The following MEGF8 variants were observed in gnomAD, a reference collection of about 807,000 sequenced individuals.
MEGF8 encodes the protein multiple EGF like domains 8.
Under a neutral mutation model 302.9 loss-of-function variants are expected in MEGF8, and 156 were observed. That is an observed-to-expected ratio of 0.52 (90% confidence interval 0.45 to 0.59). The LOEUF is 0.59. Ranked by LOEUF, MEGF8 falls within the 20% of genes least tolerant of loss-of-function variation. The pLI is 0.00. For synonymous variants in MEGF8, 1,621 were observed against 1,660.5 expected, an observed-to-expected ratio of 0.98 and a Z score of 0.58; for missense variants, 3,345 against 3,964.5, an observed-to-expected ratio of 0.84 and a Z score of 4.20.
At chr19:42,361,802 G>A (rs998748802) in intron 32 of MEGF8, among the ~76,000 whole-genome samples, 3 of 152,144 alleles carry the variant, frequency 2.0e-5, no homozygotes, top group Non-Finnish European at 4.4e-5. Context: ...TTGGGCAAGG[G>A]GCTGCAGGGG....
chr19:42,378,651 G>A lies in MEGF8; in HGVS notation c.*1876G>A, dbSNP rs573210106. The stretch of plus-strand genomic sequence containing the variant: ...GGACTGGACTTTGCATCTTCCCTTC[G>A]CGTGGAGCCTCAGTGTGAGAGGCCC... On this transcript the variant is annotated 3_prime_UTR_variant, in exon 42 of 42. Transcript: ENST00000251268. The A allele has an allele frequency of 2.7e-5, 4 of 150,040 alleles. No individual in the cohort carries two copies. The South Asian group carries it at 6.9e-4, about 26-fold the overall frequency. The allele number at this position is 150,040 out of a possible 1,614,324, so 9.3% of individuals were successfully genotyped here. A position where few individuals can be genotyped will look rare whatever the true frequency, so the allele number is the denominator to read the frequency against.
intron 34 of MEGF8, among the ~76,000 whole-genome samples, 177 bp from the exon 35 acceptor site, chr19:42,362,871 G>A (rs112814269): frequency 2.0e-5 from 3 of 150,756 alleles, no homozygotes; most frequent in East Asian, 2.0e-4. Context: ...GGACTCCTGG[G>A]TCTGAGGGAG....
rs1276512451 is a variant in MEGF8 at position 42,377,228 on chromosome 19, C to T, written c.*453C>T. ...ATTCAAAGAAGCTAGACTGAGAACG[C>T]CTGAGAAGAACCAGCTACGGGAAGA... On this transcript the variant is annotated 3_prime_UTR_variant, in exon 42 of 42. Transcript: ENST00000251268. 2 of 160,004 alleles carry T rather than the reference C, an allele frequency of 1.2e-5. No individual in the cohort carries two copies. The highest frequency in any genetic ancestry group is 2.7e-5 in the Non-Finnish European group (2 of 73,594). The allele number at this position is 160,004 out of a possible 1,614,324, so 9.9% of individuals were successfully genotyped here.
rs2039498165 is a variant in MEGF8 at position 42,359,253 on chromosome 19, A to C, written c.5488+11A>C. 4 of 1,540,424 alleles carry C rather than the reference A, an allele frequency of 2.6e-6. No individual in the cohort carries two copies. The highest frequency in any genetic ancestry group is 3.5e-6 in the Non-Finnish European group (4 of 1,142,080). ...TGCCCGACCTCACCCGTAAGTCCCC[A>C]TTGTGGCTCCCAGGAGGCTGAGGGA... On this transcript the variant is annotated intron_variant, in intron 31 of 41. Transcript: ENST00000251268.
Position 42,355,767 on chromosome 19 carries a change from T to G in MEGF8, c.4154T>G (p.Val1385Gly). The change falls in exon 24 of 42, where the codon GTG (valine) becomes GGG (glycine). Residue 1385 changes from valine (V) to glycine (G), a missense_variant. Val to Gly is a moderately radical substitution (Grantham distance 109). Transcript: ENST00000251268. ...LTVQALSGLL[V>G]LHWEANGSSS... ...GCCTCTCTCTTCACAGGGCTGCTCG[T>G]GCTGCACTGGGAGGCCAATGGCTCC... 6.3e-7 allele frequency: 1 copy of G among 1,580,458 alleles called. No individual in the cohort carries two copies.
intron 8 of MEGF8, 23 bp from the exon 9 acceptor site, chr19:42,343,454 C>G: frequency 2.5e-6 from 4 of 1,571,890 alleles, no homozygotes; most frequent in Non-Finnish European, 3.5e-6. Context: ...CTAATAATGT[C>G]ATTGGGGTCT....
chr19:42,373,475 A>C (rs1418571087), intron 41 of MEGF8, among the ~76,000 whole-genome samples: 1 of 151,816 alleles, frequency 6.6e-6, no homozygotes, highest in Non-Finnish European at 1.5e-5. Flanking sequence ...ATCTCAGCTC[A>C]TTGCAACCTC....
In MEGF8 at chr19:42,336,115, C is replaced by G; in HGVS notation, c.1013C>G (p.Ala338Gly). The G allele has an allele frequency of 1.9e-6, 3 of 1,606,886 alleles. No individual in the cohort carries two copies. Among genetic ancestry groups the G allele is most frequent in the Non-Finnish European group, 2.5e-6 (3 of 1,178,618 alleles). Residue 338 changes from alanine to glycine, a missense_variant, in exon 6 of 42, where the codon GCG (alanine) becomes GGG (glycine). Ala to Gly is a moderately conservative substitution (Grantham distance 60). Coordinates refer to ENST00000251268, the MANE Select transcript of MEGF8 (RefSeq NM_001271938.2). This position sits in a 1 kb window ranked among gnomAD's most constrained non-coding sequence, Gnocchi z 4.8. ...SSGPPGLAGHAAALVDDVWLY... is the reference protein window; with the variant it reads ...SSGPPGLAGHGAALVDDVWLY... Reference sequence around the variant, plus strand: ...GGGCCCCCAGGCCTGGCAGGTCACGCGGCTGCCCTGGTGGATGATGTCTGG... The same window carrying G: ...GGGCCCCCAGGCCTGGCAGGTCACGGGGCTGCCCTGGTGGATGATGTCTGG...
chr19:42,362,547 A>G lies in MEGF8; in HGVS notation c.6008A>G (p.Gln2003Arg). The change falls in exon 34 of 42, where the codon CAG (glutamine) becomes CGG (arginine). Residue 2003 changes from glutamine (Q) to arginine (R), a missense_variant. By Grantham distance (43) the Gln-to-Arg change is conservative. Coordinates refer to ENST00000251268, the MANE Select transcript of MEGF8 (RefSeq NM_001271938.2). Reference protein sequence around the residue: ...EAACGAADCEQCTREGKCMWT... With the variant: ...EAACGAADCERCTREGKCMWT... ...GCGTGCGGGGCTGCTGACTGCGAGC[A>G]GTGCACGCGGGAGGGCAAGTGCATG... 1 of 1,613,432 alleles carries G rather than the reference A, an allele frequency of 6.2e-7. No individual in the cohort carries two copies. The highest frequency in any genetic ancestry group is 8.5e-7 in the Non-Finnish European group (1 of 1,179,870).
chr19:42,354,471 A>C lies in MEGF8; in HGVS notation c.4012-117A>C. ...TTTGACAGTCTCCCCTGGATGTTCAAACAGCCCATTTCCCAGTCTCAGATT... is the reference window on the plus strand; with the variant it reads ...TTTGACAGTCTCCCCTGGATGTTCACACAGCCCATTTCCCAGTCTCAGATT... On this transcript the variant is annotated intron_variant, in intron 22 of 41. Transcript: ENST00000251268. The surrounding 1 kb of genome is among the most constrained non-coding windows in gnomAD (Gnocchi z 4.3). 1 of 1,216,074 alleles carries C rather than the reference A, an allele frequency of 8.2e-7. No individual in the cohort carries two copies. Among genetic ancestry groups the C allele is most frequent in the Non-Finnish European group, 1.2e-6 (1 of 863,810 alleles). The allele number at this position is 1,216,074 out of a possible 1,614,324, so 75.3% of individuals were successfully genotyped here.
At position 42,356,769 on chromosome 19, in the gene MEGF8, C is replaced by A. The variant is rs186976444; in HGVS notation, c.4623-5C>A. ...TGAGGCTGCTTTTTTGCACCCTGGC[C>A]CCAGGTACTCAGTGAGTGAGCGGCG... is the stretch of plus-strand genomic sequence containing the variant. On this transcript the variant is annotated splice_polypyrimidine_tract_variant and splice_region_variant and intron_variant, in intron 26 of 41. Transcript: ENST00000251268. The surrounding 1 kb of genome is among the most constrained non-coding windows in gnomAD (Gnocchi z 5.2). 20 of 1,544,144 alleles carry A rather than the reference C, an allele frequency of 1.3e-5. No homozygotes were observed. The Admixed American group carries it at 3.4e-4, about 26-fold the overall frequency.
In MEGF8 at chr19:42,361,015, G is replaced by T. The variant is rs1411446813; in HGVS notation, c.5720+9G>T. 6.5e-7 allele frequency: 1 copy of T among 1,536,158 alleles called. No homozygotes were observed. Among genetic ancestry groups the T allele is most frequent in the Non-Finnish European group, 8.8e-7 (1 of 1,141,570 alleles). ...GGGGATCAGGCCCACAGGTAACCAT[G>T]GCGACCATGACAGGCAGTGGGGAGT... On this transcript the variant is annotated intron_variant, in intron 32 of 41. Coordinates refer to ENST00000251268, the MANE Select transcript of MEGF8 (RefSeq NM_001271938.2).
In MEGF8 at chr19:42,337,198, C is replaced by A; in HGVS notation, c.1505C>A (p.Thr502Asn). The A allele has an allele frequency of 6.2e-7, 1 of 1,613,728 alleles. No homozygotes were observed. Among genetic ancestry groups the A allele is most frequent in the Non-Finnish European group, 8.5e-7 (1 of 1,179,884 alleles). The change falls in exon 8 of 42, where the codon ACC becomes AAC. Residue 502 changes from threonine to asparagine, a missense_variant. Transcript: ENST00000251268. ...VSGAELAPPG[T>N]PEGRAAPPSG... is the part of the protein sequence containing the mutation. Reference sequence around the variant, plus strand: ...GGAGCTGAGCTTGCCCCGCCAGGAACCCCTGAGGGTGAGTGGTCCCTGTTC... The same window carrying A: ...GGAGCTGAGCTTGCCCCGCCAGGAAACCCTGAGGGTGAGTGGTCCCTGTTC...
Position 42,353,540 on chromosome 19 carries a change from G to A in MEGF8, c.3626G>A (p.Arg1209Gln), listed in dbSNP as rs556378666. ...FGNATGSRGC[R>Q]PCQCNGHGDP... is the part of the protein sequence containing the mutation. ...AACGCCACAGGCTCTAGGGGCTGCC[G>A]GCCCTGCCAGTGCAACGGGCACGGG... The change falls in exon 21 of 42, where the codon CGG becomes CAG. Residue 1209 changes from arginine to glutamine, a missense_variant. By Grantham distance (43) the Arg-to-Gln change is conservative. Coordinates refer to ENST00000251268, the MANE Select transcript of MEGF8 (RefSeq NM_001271938.2). The surrounding 1 kb of genome is among the most constrained non-coding windows in gnomAD (Gnocchi z 6.1). 4.0e-4 allele frequency: 636 copies of A among 1,606,126 alleles called. 1 individual carries two copies. Among genetic ancestry groups the A allele is most frequent in the Non-Finnish European group, 4.9e-4 (578 of 1,176,926 alleles).
In MEGF8 at chr19:42,325,994, C is replaced by T. The variant is rs542953536; in HGVS notation, c.-250C>T. ...GGGGACTCCTACGGTCCCTAGGGTTCGGCCCCGTCCATAATGACTCCATAT... is the reference window on the plus strand; with the variant it reads ...GGGGACTCCTACGGTCCCTAGGGTTTGGCCCCGTCCATAATGACTCCATAT... On this transcript the variant is annotated 5_prime_UTR_variant, in exon 1 of 42. Transcript: ENST00000251268. 4.2e-6 allele frequency: 2 copies of T among 478,998 alleles called. No homozygotes were observed. Among genetic ancestry groups the T allele is most frequent in the Non-Finnish European group, 6.9e-6 (2 of 289,994 alleles). 29.7% of individuals were successfully genotyped at this position (478,998 alleles called of 1,614,324 possible). A position where few individuals can be genotyped will look rare whatever the true frequency, so the allele number is the denominator to read the frequency against.
chr19:42,340,306 TCCAATCTCTGCCTCC>T, intron 8 of MEGF8, among the ~76,000 whole-genome samples: 1 of 152,156 alleles, frequency 6.6e-6, no homozygotes, highest in Admixed American at 6.5e-5. Flanking sequence ...CTTGGCTCAC[TCCAATCTCTGCCTCC>T]GAGGTTCAAG....
rs1422741735 is a variant in MEGF8, at chr19:42,349,629, A to G, written c.2429A>G (p.Asn810Ser). The G allele has an allele frequency of 6.8e-6, 11 of 1,612,202 alleles. No individual in the cohort carries two copies. Among genetic ancestry groups the G allele is most frequent in the Non-Finnish European group, 9.3e-6 (11 of 1,179,820 alleles). ...KYAVEIQGQL[N>S]GSAGPGHSEL... ...GCAGTAGAGATCCAGGGCCAGCTCA[A>G]TGGCTCGGCAGGCCCTGGGCACAGC... Residue 810 changes from asparagine (N) to serine (S), a missense_variant, in exon 14 of 42, where the codon AAT (asparagine) becomes AGT (serine). Asn to Ser is a conservative substitution (Grantham distance 46). Transcript: ENST00000251268.
At chr19:42,342,636 C>T (rs1236846840) in intron 8 of MEGF8, among the ~76,000 whole-genome samples, 1 of 115,872 alleles carries the variant, frequency 8.6e-6, no homozygotes, top group Non-Finnish European at 1.9e-5. Flanking sequence ...GACTCTGTCT[C>T]AAAAAAAAAA....
chr19:42,343,713 GGA>G, intron 9 of MEGF8, 82 bp downstream of exon 9: 1 of 1,459,396 alleles, frequency 6.9e-7, no homozygotes, highest in Non-Finnish European at 9.1e-7. Flanking sequence ...AGGCAGGAGG[GGA>G]TCCCTGGGAG....
Sources: allele counts gnomAD v4.1 joint callset (sites outside exome capture counted in the v4.1 genomes callset), GRCh38; gene constraint gnomAD v4.1.1; non-coding constraint Gnocchi (gnomAD v3.1); transcripts MANE v1.5; gene names NCBI Gene and HGNC (gene_info 2026-07-23, HGNC 2026-07-21).